NAV2: variants seen among roughly 807,000 people sequenced by gnomAD.
The protein encoded by NAV2 is helicase, APC down-regulated 1.
Under a neutral mutation model 223.2 loss-of-function variants are expected in NAV2, and 54 were observed. That is an observed-to-expected ratio of 0.24 (90% confidence interval 0.19 to 0.30). The LOEUF (loss-of-function observed/expected upper bound fraction) is 0.30. NAV2 is among the 10% of genes least tolerant of loss of function. NAV2 has a pLI of 1.00. For missense variants in NAV2, 2,806 were observed against 3,147.5 expected, an observed-to-expected ratio of 0.89 and a Z score of 2.60; for synonymous variants, 1,279 against 1,239.3, an observed-to-expected ratio of 1.03 and a Z score of -0.67.
At chr11:20,075,882 T>A (rs545193700) in intron 22 of NAV2, among the ~76,000 whole-genome samples, 1 of 149,612 alleles carries the variant, frequency 6.7e-6, no homozygotes, top group African/African-American at 2.5e-5. Flanking sequence ...CCCAAGCTCC[T>A]CCCATATATC....
At chr11:19,988,426 C>A (rs2050997991) in intron 11 of NAV2, among the ~76,000 whole-genome samples, 2 of 87,088 alleles carry the variant, frequency 2.3e-5, no homozygotes, top group African/African-American at 3.3e-5. Flanking sequence ...TTACTTCAAA[C>A]CTTCTAAAGA....
intron 1 of NAV2, among the ~76,000 whole-genome samples, chr11:19,805,241 G>A (rs763648034): frequency 2.2e-4 from 33 of 152,190 alleles, no homozygotes; most frequent in Non-Finnish European, 3.8e-4. Context: ...AGCAAAGCCA[G>A]GCATATGTAG....
intron 1 of NAV2, among the ~76,000 whole-genome samples, chr11:19,783,359 T>C (rs2056879280): frequency 6.6e-6 from 1 of 152,198 alleles, no homozygotes; most frequent in Non-Finnish European, 1.5e-5. Flanking sequence ...AGCTTCCACA[T>C]AGAACCTGTT....
intron 1 of NAV2, among the ~76,000 whole-genome samples, chr11:19,489,297 G>A (rs1197574858): frequency 6.6e-6 from 1 of 152,152 alleles, no homozygotes; most frequent in Non-Finnish European, 1.5e-5. Flanking sequence ...AGCTTCTATG[G>A]GAGAGAGAGG....
intron 1 of NAV2, among the ~76,000 whole-genome samples, chr11:19,786,617 G>A (rs931998167): frequency 6.6e-6 from 1 of 152,214 alleles, no homozygotes; most frequent in Non-Finnish European, 1.5e-5. Context: ...ATTAGATACA[G>A]CTTCTCCTGT....
intron 1 of NAV2, among the ~76,000 whole-genome samples, chr11:19,366,277 G>A (rs1413332820): frequency 6.6e-6 from 1 of 152,184 alleles, no homozygotes; most frequent in Non-Finnish European, 1.5e-5. Flanking sequence ...AGAAGAGGCA[G>A]TAGCTGCACC....
intron 1 of NAV2, among the ~76,000 whole-genome samples, chr11:19,625,861 G>A (rs965245100): frequency 6.6e-6 from 1 of 151,970 alleles, no homozygotes; most frequent in East Asian, 1.9e-4. Context: ...TTTGAGAAAT[G>A]TCTGTCCAGA....
intron 1 of NAV2, among the ~76,000 whole-genome samples, chr11:19,551,526 C>T (rs375273674): frequency 3.1e-4 from 47 of 152,330 alleles, no homozygotes; most frequent in East Asian, 2.9e-3. Context: ...CCTGGCCTCA[C>T]AGCCCACCAG....
chr11:19,830,227 G>A (rs2059858605), intron 1 of NAV2, among the ~76,000 whole-genome samples: 1 of 152,004 alleles, frequency 6.6e-6, no homozygotes, highest in Admixed American at 6.6e-5. Flanking sequence ...TCTGTCTTGG[G>A]AAAAAATAAA....
chr11:19,642,247 G>A (rs1200040653), intron 1 of NAV2, among the ~76,000 whole-genome samples: 1 of 152,202 alleles, frequency 6.6e-6, no homozygotes, highest in East Asian at 1.9e-4. Context: ...GCACAAGCCA[G>A]GGAGGAGGCC....
At chr11:19,832,051 A>G (rs982181222) in intron 1 of NAV2, among the ~76,000 whole-genome samples, 2 of 152,128 alleles carry the variant, frequency 1.3e-5, no homozygotes, top group African/African-American at 2.4e-5. Context: ...TTACCCTGAA[A>G]TGGCCCATTA....
intron 10 of NAV2, among the ~76,000 whole-genome samples, chr11:19,980,628 C>T (rs1311852911): frequency 6.6e-6 from 1 of 152,204 alleles, no homozygotes; most frequent in Non-Finnish European, 1.5e-5. Context: ...TAAACACACC[C>T]GTGGCTGCTT....
At chr11:19,383,536 A>G (rs569032901) in intron 1 of NAV2, among the ~76,000 whole-genome samples, 88 of 152,354 alleles carry the variant, frequency 5.8e-4, no homozygotes, top group African/African-American at 1.9e-3. Context: ...GAAATGCCTT[A>G]GTCTGCGTCT....
Position 20,118,181 on chromosome 11 carries a change from C to A in NAV2, c.7213C>A (p.Gln2405Lys), listed in dbSNP as rs759926882. The change falls in exon 38 of 38, where the codon CAG (glutamine) becomes AAG (lysine). Residue 2405 changes from glutamine to lysine, a missense_variant. Around this residue, in one of 4 missense-constraint regions of NAV2, gnomAD observed 824 missense variants for 1,069.4 expected, o/e 0.77. Transcript: ENST00000349880. ...GGAGGCAGCCAACTACTCCAGCCCCCAGAGCTATGACAGCGACTCCAACAG... is the reference window on the plus strand; with the variant it reads ...GGAGGCAGCCAACTACTCCAGCCCCAAGAGCTATGACAGCGACTCCAACAG... Reference protein sequence around the residue: ...LQEAANYSSPQSYDSDSNSNS... With the variant: ...LQEAANYSSPKSYDSDSNSNS... 6.2e-7 allele frequency: 1 copy of A among 1,614,124 alleles called. No homozygotes were observed.
intron 5 of NAV2, among the ~76,000 whole-genome samples, chr11:19,887,235 T>G (rs1002808908): frequency 1.1e-4 from 17 of 152,080 alleles, no homozygotes; most frequent in African/African-American, 3.9e-4. Context: ...AGCCTCACCC[T>G]TGAATCTGGA....
At chr11:19,522,323 C>A (rs1483390481) in intron 1 of NAV2, among the ~76,000 whole-genome samples, 1 of 152,154 alleles carries the variant, frequency 6.6e-6, no homozygotes, top group Non-Finnish European at 1.5e-5. Flanking sequence ...GAGCCCACTG[C>A]CTTATTCTTT....
At chr11:19,862,530 G>A (rs756780156) in intron 3 of NAV2, among the ~76,000 whole-genome samples, 13 of 152,206 alleles carry the variant, frequency 8.5e-5, no homozygotes, top group Non-Finnish European at 4.4e-5. Flanking sequence ...ACATCAGCCT[G>A]AGTAGCTTAC....
chr11:19,860,114 C>T (rs1485216522), intron 3 of NAV2, among the ~76,000 whole-genome samples: 31 of 126,940 alleles, frequency 2.4e-4, no homozygotes, highest in African/African-American at 3.4e-4. Context: ...CCAGTAGGGG[C>T]GGCCGGGCAG....
intron 11 of NAV2, among the ~76,000 whole-genome samples, chr11:20,005,238 C>CATAT (rs748368788): frequency 1.5e-3 from 121 of 80,774 alleles, no homozygotes; most frequent in South Asian, 3.5e-3. Context: ...GAGTTTTAAT[C>CATAT]ATATATATAT....
Sources: gnomAD v4.1 joint callset for allele counts (sites outside exome capture counted in the v4.1 genomes callset) on GRCh38, gnomAD v4.1.1 for gene constraint, gnomAD v4.1.1 regional missense constraint, MANE v1.5 for transcripts, NCBI Gene and HGNC (gene_info 2026-07-23, HGNC 2026-07-21) for gene names.